Variants in SLC17A1 observed in about 807,000 individuals in gnomAD.
SLC17A1 encodes solute carrier family 17 member 1, also known as sodium-dependent phosphate transport protein 1.
Under a neutral mutation model 53.5 loss-of-function variants are expected in SLC17A1, and 51 were observed. That is an observed-to-expected ratio of 0.95 (90% confidence interval 0.76 to 1.20). The LOEUF is 1.20. SLC17A1 is among the 50% of genes most tolerant of loss of function. The pLI is 0.00. For synonymous variants in SLC17A1, 179 were observed against 198.8 expected, an observed-to-expected ratio of 0.90 and a Z score of 0.84; for missense variants, 538 against 568.2, an observed-to-expected ratio of 0.95 and a Z score of 0.54.
At chr6:25,726,717 A>C in the SLC17A1 span, 1 of 1,053,106 alleles carries the variant, frequency 9.5e-7, no homozygotes, top group Non-Finnish European at 1.4e-6. Context: ...GATTTTGGAT[A>C]CCGAACGCGG....
chr6:25,726,918 G>A, the SLC17A1 span: 114 of 1,612,384 alleles, frequency 7.1e-5, no homozygotes, highest in Admixed American at 5.7e-4. Context: ...TATGCCGGAG[G>A]TGTCATCTAA....
chr6:25,732,610 C>T, the SLC17A1 span: 6 of 1,052,004 alleles, frequency 5.7e-6, no homozygotes, highest in East Asian at 2.2e-4. Flanking sequence ...GAGTACCTGG[C>T]CTCCGACACC....
intron 6 of SLC17A1, among the ~76,000 whole-genome samples, chr6:25,815,065 A>T (rs915712371): frequency 4.2e-4 from 64 of 152,006 alleles, no homozygotes; most frequent in Admixed American, 8.5e-4. Context: ...TAGGACAATT[A>T]TAAAAGCTGT....
the SLC17A1 span, among the ~76,000 whole-genome samples, chr6:25,765,385 A>C: frequency 1.6e-3 from 248 of 152,354 alleles, 8 homozygotes; most frequent in South Asian, 0.022. Flanking sequence ...GAGCCTGCTC[A>C]GGCACAGAGG....
the SLC17A1 span, among the ~76,000 whole-genome samples, chr6:25,752,110 A>G: frequency 1.3e-5 from 2 of 152,224 alleles, no homozygotes; most frequent in Non-Finnish European, 2.9e-5. Context: ...TAATACAAAC[A>G]CGCGACGCTT....
the SLC17A1 span, among the ~76,000 whole-genome samples, chr6:25,752,997 A>G: frequency 1.3e-5 from 2 of 152,114 alleles, no homozygotes; most frequent in Non-Finnish European, 2.9e-5. Context: ...CATTTTCTTT[A>G]TACCCTTATT....
At chr6:25,794,826 A>G (rs1376682731) in intron 12 of SLC17A1, among the ~76,000 whole-genome samples, 3 of 152,210 alleles carry the variant, frequency 2.0e-5, no homozygotes, top group Non-Finnish European at 2.9e-5. Context: ...TATGCCAGGC[A>G]TATTGGCAAT....
chr6:25,727,308 G>A, the SLC17A1 span: 1 of 1,565,820 alleles, frequency 6.4e-7, no homozygotes, highest in Non-Finnish European at 8.7e-7. Context: ...CTAAGTAAAC[G>A]TCATTTCTAA....
the SLC17A1 span, among the ~76,000 whole-genome samples, chr6:25,742,512 CAA>C: frequency 0.015 from 1,896 of 127,140 alleles, 31 homozygotes; most frequent in African/African-American, 0.046. Flanking sequence ...AAAAACAATA[CAA>C]AAAAAAAAAA....
At chr6:25,740,334 C>T in the SLC17A1 span, among the ~76,000 whole-genome samples, 1 of 152,076 alleles carries the variant, frequency 6.6e-6, no homozygotes, top group African/African-American at 2.4e-5. Context: ...AAAAAACAAA[C>T]CAAACACCTG....
At chr6:25,816,763 G>C (rs1458280257) in intron 6 of SLC17A1, among the ~76,000 whole-genome samples, 2 of 152,218 alleles carry the variant, frequency 1.3e-5, no homozygotes, top group African/African-American at 2.4e-5. Flanking sequence ...AGAAGACAGG[G>C]AAAGGGAATC....
At chr6:25,766,769 C>T in the SLC17A1 span, among the ~76,000 whole-genome samples, 1 of 152,164 alleles carries the variant, frequency 6.6e-6, no homozygotes, top group Non-Finnish European at 1.5e-5. Context: ...CGTTTCAAAA[C>T]TATCAAGGTC....
At chr6:25,763,910 C>G in the SLC17A1 span, among the ~76,000 whole-genome samples, 1 of 152,144 alleles carries the variant, frequency 6.6e-6, no homozygotes, top group Non-Finnish European at 1.5e-5. Context: ...AAAAGCAAAT[C>G]TAGGTATTTC....
intron 7 of SLC17A1, 44 bp from the exon 8 acceptor site, chr6:25,813,036 G>C (rs1764214115): frequency 6.2e-7 from 1 of 1,610,762 alleles, no homozygotes; most frequent in South Asian, 1.1e-5. Context: ...GAACAAACTG[G>C]AACATGTTTA....
chr6:25,733,826 G>A, the SLC17A1 span, among the ~76,000 whole-genome samples: 1 of 151,448 alleles, frequency 6.6e-6, no homozygotes, highest in Non-Finnish European at 1.5e-5. Context: ...GTGTGTGTGT[G>A]TGTGTGTGTG....
intron 6 of SLC17A1, among the ~76,000 whole-genome samples, chr6:25,815,947 G>A (rs1242239591): frequency 6.7e-6 from 1 of 149,186 alleles, no homozygotes; most frequent in Non-Finnish European, 1.5e-5. Context: ...CAGCTCCAAA[G>A]GTGAAACGGC....
chr6:25,757,619 C>G, the SLC17A1 span, among the ~76,000 whole-genome samples: 8 of 152,110 alleles, frequency 5.3e-5, no homozygotes, highest in Non-Finnish European at 1.0e-4. Context: ...TTCTTGATCC[C>G]TTTCTCTGTC....
In SLC17A1 at chr6:25,791,912, C is replaced by CT. The variant is rs1250683374; in HGVS notation, c.*2+6870dup. Among the ~76,000 whole-genome samples, 3 of 152,224 alleles carry CT rather than the reference C, an allele frequency of 2.0e-5. No homozygotes were observed. In the East Asian group the frequency reaches 5.8e-4, roughly 29 times the overall value. On this transcript the variant is annotated intron_variant, in intron 12 of 12. Transcript: ENST00000244527. ...CCTACTACTTACGTGGCTTCATTCT[C>CT]TGTCTCTGCCTTCAAGGAATAGAGC...
At chr6:25,806,649 A>T (rs773224277) in intron 10 of SLC17A1, among the ~76,000 whole-genome samples, 2 of 152,166 alleles carry the variant, frequency 1.3e-5, no homozygotes, top group Non-Finnish European at 2.9e-5. Flanking sequence ...CCCCAAAAAC[A>T]AATGCAAAAG....
Sources: allele counts gnomAD v4.1 joint callset (sites outside exome capture counted in the v4.1 genomes callset), GRCh38; gene constraint gnomAD v4.1.1; transcripts MANE v1.5; gene names NCBI Gene and HGNC (gene_info 2026-07-23, HGNC 2026-07-21).